THSD4: variants seen among roughly 807,000 people sequenced by gnomAD.
THSD4 encodes thrombospondin type 1 domain containing 4.
A neutral mutation model predicts 119.0 loss-of-function variants in THSD4; 69 were observed. The ratio of observed to expected loss-of-function variants is 0.58; its 90% CI spans 0.48 to 0.71. The LOEUF (loss-of-function observed/expected upper bound fraction) is 0.71, where lower values mean the gene tolerates loss of function less well. THSD4 is among the 30% of genes least tolerant of loss of function. The pLI, the probability that THSD4 is intolerant of heterozygous loss-of-function variation, is 0.00. For synonymous variants in THSD4, 524 were observed against 540.4 expected (o/e 0.97, Z 0.42); for missense variants, 1,393 against 1,391.1 (o/e 1.00, Z -0.02).
intron 7 of THSD4, among the ~76,000 whole-genome samples, chr15:71,488,768 G>C (rs925843205): frequency 1.3e-4 from 19 of 151,994 alleles, no homozygotes; most frequent in African/African-American, 4.4e-4. Flanking sequence ...ACATTTCTTA[G>C]TTTGTGTATT....
At chr15:71,459,537 T>C (rs895114755) in intron 7 of THSD4, among the ~76,000 whole-genome samples, 2 of 152,184 alleles carry the variant, frequency 1.3e-5, no homozygotes, top group African/African-American at 4.8e-5. Flanking sequence ...TTCTGCAAGT[T>C]TTCTTCAAAT....
At chr15:71,762,255 C>T (rs1361509379) in intron 15 of THSD4, among the ~76,000 whole-genome samples, 6 of 152,148 alleles carry the variant, frequency 3.9e-5, no homozygotes, top group Admixed American at 6.5e-5. Flanking sequence ...TGAGCATTTA[C>T]AGTAAGAGAA....
intron 6 of THSD4, among the ~76,000 whole-genome samples, chr15:71,306,347 T>G (rs10851837): frequency 7.2e-6 from 1 of 139,138 alleles, no homozygotes; most frequent in Admixed American, 7.6e-5. Flanking sequence ...AAGGGAATGG[T>G]ATTATATATT....
At chr15:71,594,488 G>A (rs1285731704) in intron 7 of THSD4, among the ~76,000 whole-genome samples, 1 of 152,060 alleles carries the variant, frequency 6.6e-6, no homozygotes, top group Non-Finnish European at 1.5e-5. Context: ...TGGGATTTCT[G>A]CCCTCTGTGA....
At chr15:71,442,660 G>GTATGTATGTATGTATATA (rs1555414328) in intron 7 of THSD4, among the ~76,000 whole-genome samples, 17 of 25,812 alleles carry the variant, frequency 6.6e-4, no homozygotes, top group Non-Finnish European at 1.1e-3. Context: ...GTGTGTGTGT[G>GTATGTATGTATGTATATA]TATATATATA....
At chr15:71,636,792 C>A (rs1393310081) in intron 7 of THSD4, among the ~76,000 whole-genome samples, 1 of 152,160 alleles carries the variant, frequency 6.6e-6, no homozygotes, top group African/African-American at 2.4e-5. Flanking sequence ...CCTCAGACTC[C>A]CATGCCATGA....
At chr15:71,675,104 T>G (rs1013756123) in intron 8 of THSD4, among the ~76,000 whole-genome samples, 10 of 152,178 alleles carry the variant, frequency 6.6e-5, no homozygotes, top group African/African-American at 2.4e-4. Context: ...CTTTCCAGAT[T>G]TCACTCAGTT....
intron 7 of THSD4, among the ~76,000 whole-genome samples, chr15:71,515,576 A>G (rs941579788): frequency 1.3e-5 from 2 of 152,294 alleles, no homozygotes; most frequent in South Asian, 4.1e-4. Context: ...CATTGTCTTT[A>G]GTTATGACAT....
chr15:71,285,458 C>T (rs2044703487), intron 6 of THSD4, among the ~76,000 whole-genome samples: 1 of 152,152 alleles, frequency 6.6e-6, no homozygotes, highest in South Asian at 2.1e-4. Context: ...TTGCGCTTCA[C>T]CTCCTAAAGT....
rs200952465 is a variant in THSD4 at position 71,713,001 on chromosome 15, GAATT to G, written c.1358-15543_1358-15540del. On this transcript the variant is annotated intron_variant, in intron 8 of 17. Coordinates refer to ENST00000261862, the MANE Select transcript of THSD4 (RefSeq NM_024817.3). ...CATCAAGTTTACATCTGTAAAAGTT[GAATT>G]AATTGTTGAATCAACATACTGCTAT... 8.5e-3 allele frequency among the ~76,000 whole-genome samples: 1,290 copies of G among 152,280 alleles called. 16 individuals carry two copies. Among genetic ancestry groups the G allele is most frequent in the Non-Finnish European group, 0.014 (945 of 68,020 alleles).
intron 2 of THSD4, among the ~76,000 whole-genome samples, chr15:71,148,400 A>G (rs1213648780): frequency 3.3e-5 from 5 of 152,192 alleles, no homozygotes; most frequent in Non-Finnish European, 7.3e-5. Flanking sequence ...GAAGACCTCC[A>G]CCTTGGGCTG....
chr15:71,228,949 A>G (rs572630983), intron 4 of THSD4, among the ~76,000 whole-genome samples: 2 of 152,336 alleles, frequency 1.3e-5, no homozygotes, highest in South Asian at 4.1e-4. Context: ...ACCACAGTTC[A>G]TTGTGGGCTA....
intron 7 of THSD4, among the ~76,000 whole-genome samples, chr15:71,467,918 G>A (rs1418383365): frequency 6.7e-6 from 1 of 149,506 alleles, no homozygotes; most frequent in African/African-American, 2.5e-5. Context: ...GCATGATCTC[G>A]GCTCACTGCA....
intron 13 of THSD4, 93 bp from the exon 14 acceptor site, chr15:71,748,328 G>T: frequency 6.8e-7 from 1 of 1,474,996 alleles, no homozygotes; most frequent in East Asian, 2.3e-5. Context: ...CAGTCTCATG[G>T]GGCTGATCAC....
intron 3 of THSD4, among the ~76,000 whole-genome samples, chr15:71,203,418 G>T (rs758216577): frequency 6.6e-6 from 1 of 152,182 alleles, no homozygotes; most frequent in South Asian, 2.1e-4. Context: ...ACTTTGGGAG[G>T]CCAAGGTGGG....
intron 6 of THSD4, among the ~76,000 whole-genome samples, chr15:71,299,976 A>AATATAT (rs1185451144): frequency 5.8e-4 from 28 of 48,296 alleles, no homozygotes; most frequent in African/African-American, 1.5e-3. Flanking sequence ...AAAAAAAAAA[A>AATATAT]ATATATATAT....
At chr15:71,520,495 C>T (rs1337681844) in intron 7 of THSD4, among the ~76,000 whole-genome samples, 2 of 152,174 alleles carry the variant, frequency 1.3e-5, no homozygotes, top group Non-Finnish European at 2.9e-5. Context: ...AGAAGAGTTT[C>T]GTCTAAACAA....
chr15:71,281,062 C>T (rs2044645928), intron 6 of THSD4, among the ~76,000 whole-genome samples: 2 of 152,184 alleles, frequency 1.3e-5, no homozygotes, highest in Admixed American at 1.3e-4. Flanking sequence ...CATGTCCCTG[C>T]CCAGGCAAAC....
chr15:71,112,332 T>C (rs1404160471), upstream of THSD4: 1 of 1,146,826 alleles, frequency 8.7e-7, no homozygotes, highest in East Asian at 2.7e-5. Context: ...TATTAATAAT[T>C]AATTAATAAT....
Sources: gnomAD v4.1 joint callset for allele counts (sites outside exome capture counted in the v4.1 genomes callset) on GRCh38, gnomAD v4.1.1 for gene constraint, MANE v1.5 for transcripts, NCBI Gene and HGNC (gene_info 2026-07-23, HGNC 2026-07-21) for gene names.